Variants in KCNQ5 observed in about 807,000 individuals in gnomAD.
KCNQ5 encodes potassium voltage-gated channel subfamily KQT member 5.
KCNQ5 carries 30 observed loss-of-function variants against 98.2 expected under a neutral mutation model. That is an observed-to-expected ratio of 0.31 (90% confidence interval 0.23 to 0.41). KCNQ5 has a LOEUF of 0.41. Among genes scored for constraint, KCNQ5 ranks in the 10% least tolerant of loss-of-function variants. KCNQ5 has a pLI of 1.00. For synonymous variants in KCNQ5, 458 were observed against 449.4 expected, an observed-to-expected ratio of 1.02 and a Z score of -0.24; for missense variants, 835 against 1,182.5, an observed-to-expected ratio of 0.71 and a Z score of 4.31.
intron 2 of KCNQ5, among the ~76,000 whole-genome samples, chr6:73,041,535 CT>C (rs1229569007): frequency 6.6e-6 from 1 of 152,158 alleles, no homozygotes; most frequent in African/African-American, 2.4e-5. Flanking sequence ...CAAAATGAAG[CT>C]CTATTTTCTG....
chr6:72,862,596 A>G (rs1377292919), intron 1 of KCNQ5, among the ~76,000 whole-genome samples: 1 of 152,022 alleles, frequency 6.6e-6, no homozygotes, highest in Non-Finnish European at 1.5e-5. Flanking sequence ...AGGCTAGGGG[A>G]AAAAACCTAG....
At chr6:72,790,157 TA>T (rs781484047) in intron 1 of KCNQ5, among the ~76,000 whole-genome samples, 70 of 152,254 alleles carry the variant, frequency 4.6e-4, no homozygotes, top group Non-Finnish European at 5.9e-4. Flanking sequence ...GAAGTTATAC[TA>T]ACAAGTTTTT....
chr6:73,194,721 C>G lies in KCNQ5; in HGVS notation c.2106C>G (p.Phe702Leu). ...CAAATGAGTTCAGTGCCCAGACTTT[C>G]TACGCGCTTAGCCCTACTATGCACA... ...LTPNEFSAQTFYALSPTMHSQ... is the reference protein window; with the variant it reads ...LTPNEFSAQTLYALSPTMHSQ... Residue 702 changes from phenylalanine (F) to leucine (L), a missense_variant, in exon 14 of 14, where the codon TTC (phenylalanine) becomes TTG (leucine). This residue lies in a region of KCNQ5 where 416 missense variants were observed against 446.9 expected (regional missense o/e 0.93). Coordinates refer to ENST00000370398, the MANE Select transcript of KCNQ5 (RefSeq NM_019842.4). 2.5e-6 allele frequency: 4 copies of G among 1,614,272 alleles called. No individual in the cohort carries two copies. The highest frequency in any genetic ancestry group is 3.4e-6 in the Non-Finnish European group (4 of 1,180,042).
At chr6:72,658,582 T>A (rs371198064) in intron 1 of KCNQ5, among the ~76,000 whole-genome samples, 9,587 of 83,930 alleles carry the variant, frequency 0.11, 573 homozygotes, top group African/African-American at 0.32. Flanking sequence ...ATATATATTT[T>A]TTTTTTTTTT....
At chr6:72,955,886 C>T (rs1185985127) in intron 1 of KCNQ5, among the ~76,000 whole-genome samples, 2 of 152,134 alleles carry the variant, frequency 1.3e-5, no homozygotes, top group Non-Finnish European at 2.9e-5. Flanking sequence ...CACAACTGCA[C>T]TCCAGGCTGG....
chr6:72,766,587 A>G (rs147108121), intron 1 of KCNQ5, among the ~76,000 whole-genome samples: 2 of 152,082 alleles, frequency 1.3e-5, no homozygotes, highest in East Asian at 1.9e-4. Flanking sequence ...AGAATTGTTC[A>G]TTTTCCAGAT....
chr6:73,064,754 C>T (rs76940443), intron 3 of KCNQ5, among the ~76,000 whole-genome samples: 2,439 of 152,146 alleles, frequency 0.016, 60 homozygotes, highest in African/African-American at 0.055. Flanking sequence ...TGTTCTAAAG[C>T]ATCAGAAAAT....
At chr6:73,030,989 T>G (rs757298413) in intron 2 of KCNQ5, among the ~76,000 whole-genome samples, 14 of 152,322 alleles carry the variant, frequency 9.2e-5, no homozygotes, top group Admixed American at 3.9e-4. Context: ...TGGCCACTTC[T>G]GCTTAGCCTT....
At chr6:73,165,769 A>AC (rs1777768326) in intron 10 of KCNQ5, among the ~76,000 whole-genome samples, 1 of 151,890 alleles carries the variant, frequency 6.6e-6, no homozygotes, top group African/African-American at 2.4e-5. Context: ...ACATGGTGAA[A>AC]CCCCGTCTCT....
intron 1 of KCNQ5, among the ~76,000 whole-genome samples, chr6:72,787,115 T>A (rs559367151): frequency 1.7e-4 from 26 of 151,804 alleles, no homozygotes; most frequent in South Asian, 4.2e-4. Flanking sequence ...TACCCTGACC[T>A]GTGAGACAAA....
rs375088848 is a variant in KCNQ5, at chr6:72,744,765, C to T, written c.398+122178C>T. 6.6e-5 allele frequency among the ~76,000 whole-genome samples: 10 copies of T among 151,390 alleles called. No individual in the cohort carries two copies. The East Asian group carries it at 9.7e-4, about 15-fold the overall frequency. On this transcript the variant is annotated intron_variant, in intron 1 of 13. Transcript: ENST00000370398. ...GGCAGAGGTTGCAGTGAGCCAAGAT[C>T]GTTCCACTGCACTCCAGACTGGTGA...
chr6:72,914,502 G>A (rs967213843), intron 1 of KCNQ5, among the ~76,000 whole-genome samples: 2 of 149,092 alleles, frequency 1.3e-5, no homozygotes, highest in African/African-American at 5.0e-5. Flanking sequence ...AACCTCTTCA[G>A]TGCCAATAAG....
chr6:72,986,145 G>A lies in KCNQ5; in HGVS notation c.399-17763G>A, dbSNP rs189876762. 8.4e-4 allele frequency among the ~76,000 whole-genome samples: 128 copies of A among 152,198 alleles called. 2 individuals carry two copies. Among genetic ancestry groups the A allele is most frequent in the African/African-American group, 2.8e-3 (118 of 41,536 alleles). On this transcript the variant is annotated intron_variant, in intron 1 of 13. Coordinates refer to ENST00000370398, the MANE Select transcript of KCNQ5 (RefSeq NM_019842.4). Reference sequence around the variant, plus strand: ...CTCGGGAGGCTGAGACAGGAGAATCGCTTGAACCCAGCAGGCAGAAGTTGC... The same window carrying A: ...CTCGGGAGGCTGAGACAGGAGAATCACTTGAACCCAGCAGGCAGAAGTTGC...
At chr6:73,061,504 T>C (rs900068951) in intron 3 of KCNQ5, among the ~76,000 whole-genome samples, 1 of 152,130 alleles carries the variant, frequency 6.6e-6, no homozygotes, top group African/African-American at 2.4e-5. Context: ...TTATGTACAG[T>C]TGTTCCGAAT....
At chr6:72,870,758 G>A (rs1401766986) in intron 1 of KCNQ5, among the ~76,000 whole-genome samples, 1 of 152,100 alleles carries the variant, frequency 6.6e-6, no homozygotes, top group Non-Finnish European at 1.5e-5. Context: ...TACCTAACAT[G>A]TAACCAGGTA....
intron 1 of KCNQ5, among the ~76,000 whole-genome samples, chr6:72,907,300 C>A (rs1443217169): frequency 6.6e-6 from 1 of 152,128 alleles, no homozygotes; most frequent in South Asian, 2.1e-4. Flanking sequence ...ACATGTACCC[C>A]TGAACCTAAG....
At position 72,997,782 on chromosome 6, in the gene KCNQ5, C is replaced by CAAAAA. The variant is rs70994154; in HGVS notation, c.399-6101_399-6097dup. On this transcript the variant is annotated intron_variant, in intron 1 of 13. Coordinates refer to ENST00000370398, the MANE Select transcript of KCNQ5 (RefSeq NM_019842.4). ...TGGGTGACAGAGCAAGACTCTGTCT[C>CAAAAA]AAAAAAAAAAAAAAAAAAAAAAAAA... is the stretch of plus-strand genomic sequence containing the variant. Among the ~76,000 whole-genome samples, 14 of 62,056 alleles carry CAAAAA rather than the reference C, an allele frequency of 2.3e-4. 1 individual carries two copies. The highest frequency in any genetic ancestry group is 6.3e-4 in the African/African-American group (10 of 15,806). 40.7% of individuals were successfully genotyped at this position (62,056 alleles called of 152,430 possible).
At chr6:73,154,097 A>G (rs1356134398) in intron 10 of KCNQ5, among the ~76,000 whole-genome samples, 1 of 152,070 alleles carries the variant, frequency 6.6e-6, no homozygotes, top group Non-Finnish European at 1.5e-5. Context: ...ATAAAAACTA[A>G]TTTTCAGAAT....
intron 10 of KCNQ5, among the ~76,000 whole-genome samples, chr6:73,156,222 A>C (rs1777357038): frequency 6.6e-6 from 1 of 152,262 alleles, no homozygotes; most frequent in South Asian, 2.1e-4. Context: ...ATTATAATTC[A>C]TTACGGGATG....
Sources: allele counts gnomAD v4.1 joint callset (sites outside exome capture counted in the v4.1 genomes callset), GRCh38; gene constraint gnomAD v4.1.1; regional missense constraint gnomAD v4.1.1; transcripts MANE v1.5; gene names NCBI Gene and HGNC (gene_info 2026-07-23, HGNC 2026-07-21).